The following DNAJC5B variants were observed in gnomAD, a reference collection of about 807,000 sequenced individuals.
DNAJC5B encodes DnaJ heat shock protein family (Hsp40) member C5 beta.
DNAJC5B carries 23 observed loss-of-function variants against 24.7 expected under a neutral mutation model. The observed-to-expected ratio is 0.93, with a 90% CI of 0.67 to 1.32. The LOEUF is 1.32. Among genes scored for constraint, DNAJC5B ranks in the 40% most tolerant of loss-of-function variants. The probability of loss-of-function intolerance (pLI) is 0.00; values close to 1 mark genes in which losing one functional copy is unlikely to be tolerated. For synonymous variants in DNAJC5B, 101 were observed against 90.1 expected, an observed-to-expected ratio of 1.12 and a Z score of -0.68; for missense variants, 238 against 240.8, an observed-to-expected ratio of 0.99 and a Z score of 0.08.
chr8:66,076,706 G>C lies in DNAJC5B; in HGVS notation c.166G>C (p.Ala56Pro), dbSNP rs1442854406. 2 of 1,614,118 alleles carry C rather than the reference G, an allele frequency of 1.2e-6. No homozygotes were observed. The highest frequency in any genetic ancestry group is 1.3e-5 in the African/African-American group (1 of 75,038). Residue 56 changes from alanine to proline, a missense_variant, in exon 4 of 6, where the codon GCT becomes CCT. Ala to Pro is a conservative substitution (Grantham distance 27, BLOSUM62 -1). Coordinates refer to ENST00000276570, the MANE Select transcript of DNAJC5B (RefSeq NM_033105.6). ...TCCAGACAAGAATCCAGATGATCCA[G>C]CTGCTACTGAGAAGTTTAAAGAAAT... is the stretch of plus-strand genomic sequence containing the variant. ...HHPDKNPDDP[A>P]ATEKFKEINN...
At chr8:66,017,129 C>G (rs1310148879), upstream of DNAJC5B, among the ~76,000 whole-genome samples, 1 of 152,042 alleles carries the variant, frequency 6.6e-6, no homozygotes, top group Non-Finnish European at 1.5e-5. Flanking sequence ...CCAATACATG[C>G]CTTACACTTT....
At chr8:66,077,569 T>C (rs1330819802) in intron 4 of DNAJC5B, among the ~76,000 whole-genome samples, 7 of 152,240 alleles carry the variant, frequency 4.6e-5, no homozygotes, top group Non-Finnish European at 8.8e-5. Context: ...TTAATATCCT[T>C]ATCTTCTGAT....
Position 66,080,661 on chromosome 8 carries a change from G to T in DNAJC5B, c.505+113G>T, listed in dbSNP as rs1345131290. ...TAGGAGAGCTCCCACAACCAAATGG[G>T]TGGAACTTCACAGACTGTCAGCTTT... is the stretch of plus-strand genomic sequence containing the variant. On this transcript the variant is annotated intron_variant, in intron 5 of 5. Transcript: ENST00000276570. 5 of 888,108 alleles carry T rather than the reference G, an allele frequency of 5.6e-6. No individual in the cohort carries two copies. In the East Asian group the frequency reaches 1.4e-4, roughly 24 times the overall value. 55.0% of individuals were successfully genotyped at this position (888,108 alleles called of 1,614,324 possible). A position where few individuals can be genotyped will look rare whatever the true frequency, so the allele number is the denominator to read the frequency against.
intron 5 of DNAJC5B, among the ~76,000 whole-genome samples, chr8:66,094,635 G>A (rs1463695529): frequency 1.3e-5 from 2 of 151,418 alleles, no homozygotes; most frequent in Admixed American, 6.6e-5. Context: ...TTTTTAAACC[G>A]CACCAAGTAT....
chr8:66,070,409 C>G (rs1046168128), intron 3 of DNAJC5B, among the ~76,000 whole-genome samples: 2 of 152,092 alleles, frequency 1.3e-5, no homozygotes, highest in African/African-American at 4.8e-5. Context: ...TTCCTATATA[C>G]CAATAACAGA....
intron 5 of DNAJC5B, among the ~76,000 whole-genome samples, chr8:66,084,261 G>A (rs376886404): frequency 6.6e-6 from 1 of 152,064 alleles, no homozygotes; most frequent in African/African-American, 2.4e-5. Context: ...CTCACTTAAG[G>A]TTCTTTAAGA....
At chr8:66,079,332 A>G (rs1242266098) in intron 4 of DNAJC5B, among the ~76,000 whole-genome samples, 1 of 152,214 alleles carries the variant, frequency 6.6e-6, no homozygotes, top group Non-Finnish European at 1.5e-5. Flanking sequence ...GCTTGCAGGA[A>G]GCTCACAGTC....
intron 5 of DNAJC5B, among the ~76,000 whole-genome samples, chr8:66,094,830 T>G (rs1407753028): frequency 1.3e-5 from 2 of 152,122 alleles, no homozygotes; most frequent in Non-Finnish European, 2.9e-5. Context: ...ATGTAAAATT[T>G]TTTCAAATAT....
At chr8:66,059,879 G>A (rs570431896) in intron 3 of DNAJC5B, among the ~76,000 whole-genome samples, 7 of 152,266 alleles carry the variant, frequency 4.6e-5, no homozygotes, top group South Asian at 4.1e-4. Context: ...TGCCAGGCAC[G>A]GTAGGCACAG....
At chr8:66,081,961 A>C (rs1469137915) in intron 5 of DNAJC5B, among the ~76,000 whole-genome samples, 6 of 152,202 alleles carry the variant, frequency 3.9e-5, no homozygotes, top group African/African-American at 1.4e-4. Flanking sequence ...CCAAGCAAGC[A>C]GGATTACAAG....
chr8:66,055,711 G>A (rs1237645733), intron 3 of DNAJC5B, among the ~76,000 whole-genome samples: 1 of 152,144 alleles, frequency 6.6e-6, no homozygotes, highest in Non-Finnish European at 1.5e-5. Flanking sequence ...GGTCAAGGCG[G>A]GTGGATGGAT....
At chr8:66,033,013 C>T (rs1464668664) in intron 1 of DNAJC5B, among the ~76,000 whole-genome samples, 6 of 152,206 alleles carry the variant, frequency 3.9e-5, no homozygotes, top group Admixed American at 6.5e-5. Flanking sequence ...TCTCATTTTG[C>T]AGAGGAGGAA....
intron 1 of DNAJC5B, among the ~76,000 whole-genome samples, chr8:66,039,644 C>T (rs1806565537): frequency 6.6e-6 from 1 of 152,052 alleles, no homozygotes; most frequent in Admixed American, 6.6e-5. Context: ...GCCACTGCGC[C>T]CAGCCCACTT....
At chr8:66,028,752 C>A (rs1478798314) in intron 1 of DNAJC5B, among the ~76,000 whole-genome samples, 1 of 152,166 alleles carries the variant, frequency 6.6e-6, no homozygotes, top group East Asian at 1.9e-4. Context: ...GGGCCCTCAT[C>A]TCCTCATCTT....
chr8:66,018,766 C>A (rs1806028934), upstream of DNAJC5B, among the ~76,000 whole-genome samples: 1 of 151,960 alleles, frequency 6.6e-6, no homozygotes, highest in Non-Finnish European at 1.5e-5. Flanking sequence ...GTAGGTGATT[C>A]TGGTGCAGGT....
At chr8:66,029,311 C>A (rs918013347) in intron 1 of DNAJC5B, among the ~76,000 whole-genome samples, 1 of 152,156 alleles carries the variant, frequency 6.6e-6, no homozygotes, top group African/African-American at 2.4e-5. Context: ...AGGACAGAGA[C>A]AATGGTGTAT....
Position 66,076,654 on chromosome 8 carries a change from T to C in DNAJC5B, c.120-6T>C. The C allele has an allele frequency of 2.5e-6, 4 of 1,613,684 alleles. No individual in the cohort carries two copies. Among genetic ancestry groups the C allele is most frequent in the Non-Finnish European group, 3.4e-6 (4 of 1,179,886 alleles). On this transcript the variant is annotated splice_polypyrimidine_tract_variant and splice_region_variant and intron_variant, in intron 3 of 5. Transcript: ENST00000276570. ...CACTCTCCTTGTTTTTCTTTTATTT[T>C]AAAAGAAAATTGGCCCTGAAACACC...
intron 5 of DNAJC5B, among the ~76,000 whole-genome samples, chr8:66,092,007 T>TG (rs1396811958): frequency 6.6e-6 from 1 of 152,134 alleles, no homozygotes; most frequent in African/African-American, 2.4e-5. Context: ...TGCCAGGGCC[T>TG]GTGGGGCAGG....
At chr8:66,068,938 A>G (rs1807284105) in intron 3 of DNAJC5B, among the ~76,000 whole-genome samples, 1 of 152,200 alleles carries the variant, frequency 6.6e-6, no homozygotes, top group South Asian at 2.1e-4. Context: ...AAAGTCTTCA[A>G]TATGGTGAAA....
Sources: gnomAD v4.1 joint callset for allele counts (sites outside exome capture counted in the v4.1 genomes callset) on GRCh38, gnomAD v4.1.1 for gene constraint, MANE v1.5 for transcripts, NCBI Gene and HGNC (gene_info 2026-07-23, HGNC 2026-07-21) for gene names.